KAT6B: variants seen among roughly 807,000 people sequenced by gnomAD.
The protein encoded by KAT6B is histone acetyltransferase KAT6B.
KAT6B carries 10 observed loss-of-function variants against 187.5 expected under a neutral mutation model. That is an observed-to-expected ratio of 0.05 (90% confidence interval 0.03 to 0.09). KAT6B has a LOEUF of 0.09. Among genes scored for constraint, KAT6B ranks in the 10% least tolerant of loss-of-function variants. The pLI, the probability that KAT6B is intolerant of heterozygous loss-of-function variation, is 1.00. For missense variants in KAT6B, 1,952 were observed against 2,558.9 expected (o/e 0.76, Z 5.12); for synonymous variants, 861 against 926.8 (o/e 0.93, Z 1.29).
At chr10:74,832,725 C>T (rs1203860707) in intron 1 of KAT6B, among the ~76,000 whole-genome samples, 5 of 151,914 alleles carry the variant, frequency 3.3e-5, no homozygotes, top group African/African-American at 9.7e-5. Flanking sequence ...GTCTCAAACT[C>T]CTGACCTCAG....
At chr10:74,990,998 C>T (rs16931904) in intron 13 of KAT6B, among the ~76,000 whole-genome samples, 18,380 of 152,108 alleles carry the variant, frequency 0.12, 2,153 homozygotes, top group African/African-American at 0.3. Context: ...ATGATCACCT[C>T]GTCCTTTCCT....
intron 3 of KAT6B, among the ~76,000 whole-genome samples, chr10:74,864,891 T>C (rs1843444234): frequency 6.6e-6 from 1 of 152,262 alleles, no homozygotes; most frequent in African/African-American, 2.4e-5. Flanking sequence ...TTTAAAGCAC[T>C]TGTAAGCTAA....
chr10:74,994,639 G>T (rs1412543087), intron 13 of KAT6B, among the ~76,000 whole-genome samples: 3 of 151,712 alleles, frequency 2.0e-5, no homozygotes, highest in Non-Finnish European at 4.4e-5. Context: ...ACACAAAAAT[G>T]AGCCGGGCTT....
intron 1 of KAT6B, among the ~76,000 whole-genome samples, chr10:74,836,744 A>G (rs557478738): frequency 5.3e-4 from 81 of 152,348 alleles, no homozygotes; most frequent in Non-Finnish European, 1.0e-3. Context: ...AAATAAGTCA[A>G]GGTCCCTTCC....
chr10:74,901,448 TTAA>T (rs368255970), intron 3 of KAT6B, among the ~76,000 whole-genome samples: 463 of 152,332 alleles, frequency 3.0e-3, no homozygotes, highest in Non-Finnish European at 5.2e-3. Context: ...GTGTAGTGTA[TTAA>T]TGAGCTGATT....
At chr10:74,993,893 G>A (rs1009247951) in intron 13 of KAT6B, among the ~76,000 whole-genome samples, 4 of 152,124 alleles carry the variant, frequency 2.6e-5, no homozygotes, top group Non-Finnish European at 5.9e-5. Flanking sequence ...ATTTCATCAG[G>A]ATCATATGAT....
intron 3 of KAT6B, among the ~76,000 whole-genome samples, chr10:74,909,499 C>T (rs1055550855): frequency 4.6e-5 from 7 of 152,186 alleles, no homozygotes; most frequent in Non-Finnish European, 1.0e-4. Context: ...AGGCAGAACT[C>T]CTCAGTTTGG....
At chr10:74,965,395 G>GT (rs1294055551) in intron 4 of KAT6B, among the ~76,000 whole-genome samples, 3 of 152,130 alleles carry the variant, frequency 2.0e-5, no homozygotes, top group African/African-American at 7.2e-5. Context: ...CTTGTTTAAT[G>GT]TTTGTCTTTC....
chr10:74,998,500 AT>A (rs1843610776), intron 13 of KAT6B, among the ~76,000 whole-genome samples: 2 of 152,190 alleles, frequency 1.3e-5, no homozygotes, highest in Non-Finnish European at 2.9e-5. Flanking sequence ...GTTTTGGTAT[AT>A]TTGTCCTTCA....
At chr10:74,973,889 C>A (rs954660461) in intron 7 of KAT6B, among the ~76,000 whole-genome samples, 3 of 152,166 alleles carry the variant, frequency 2.0e-5, no homozygotes, top group Non-Finnish European at 2.9e-5. Flanking sequence ...TTAAAAAAAC[C>A]AAATTAGGAT....
Position 74,969,718 on chromosome 10 carries a change from G to GT in KAT6B, c.790dup (p.Trp264LeufsTer13). 1 of 1,614,130 alleles carries GT rather than the reference G, an allele frequency of 6.2e-7. No individual in the cohort carries two copies. The highest frequency in any genetic ancestry group is 2.2e-5 in the East Asian group (1 of 44,888). The stretch of plus-strand genomic sequence containing the variant: ...TAACAACAAATGTAAAGGCCTTAAG[G>GT]TGGCAGTGCATCGAATGCAAGACAT... On this transcript the variant is annotated frameshift_variant, in exon 5 of 18. Coordinates refer to ENST00000287239, the MANE Select transcript of KAT6B (RefSeq NM_012330.4). LOFTEE classifies it high-confidence loss of function.
At chr10:74,827,984 G>C (rs1324900348) in intron 1 of KAT6B, among the ~76,000 whole-genome samples, 1 of 152,082 alleles carries the variant, frequency 6.6e-6, no homozygotes, top group African/African-American at 2.4e-5. Flanking sequence ...TGTTAAACTT[G>C]ATCTGGAGTC....
At chr10:75,017,994 A>G (rs1454704212) in intron 13 of KAT6B, among the ~76,000 whole-genome samples, 1 of 152,208 alleles carries the variant, frequency 6.6e-6, no homozygotes, top group East Asian at 1.9e-4. Context: ...TGAGGGTCTC[A>G]TGAGTCAGAG....
intron 13 of KAT6B, among the ~76,000 whole-genome samples, chr10:75,006,823 T>C (rs1473012440): frequency 7.2e-6 from 1 of 139,834 alleles, no homozygotes; most frequent in African/African-American, 2.7e-5. Flanking sequence ...TCCCAGCACT[T>C]TGGGAGGCCG....
chr10:74,903,642 A>T (rs1387764998), intron 3 of KAT6B, among the ~76,000 whole-genome samples: 2 of 152,166 alleles, frequency 1.3e-5, no homozygotes, highest in Non-Finnish European at 2.9e-5. Context: ...AGTCTGGCTG[A>T]CACCTTGATT....
At chr10:74,991,213 G>A (rs572830710) in intron 13 of KAT6B, among the ~76,000 whole-genome samples, 1 of 152,036 alleles carries the variant, frequency 6.6e-6, no homozygotes, top group East Asian at 1.9e-4. Flanking sequence ...GTATCCACTA[G>A]GACAGTTTCC....
intron 13 of KAT6B, among the ~76,000 whole-genome samples, chr10:75,018,571 CT>C (rs1845161638): frequency 6.6e-6 from 1 of 152,190 alleles, no homozygotes; most frequent in South Asian, 2.1e-4. Flanking sequence ...CTGCTGCTGC[CT>C]TCCGGATTAG....
intron 7 of KAT6B, among the ~76,000 whole-genome samples, chr10:74,973,904 A>G (rs1842000063): frequency 2.0e-5 from 3 of 152,202 alleles, no homozygotes; most frequent in African/African-American, 7.2e-5. Flanking sequence ...TAGGATATAA[A>G]CTTTCTAAAC....
intron 3 of KAT6B, among the ~76,000 whole-genome samples, chr10:74,862,417 A>T (rs1843244726): frequency 6.6e-6 from 1 of 152,140 alleles, no homozygotes; most frequent in Non-Finnish European, 1.5e-5. Context: ...TTTGCTGCAC[A>T]TTAGAATTAC....
Sources: gnomAD v4.1 joint callset for allele counts (sites outside exome capture counted in the v4.1 genomes callset) on GRCh38, gnomAD v4.1.1 for gene constraint, MANE v1.5 for transcripts, NCBI Gene and HGNC (gene_info 2026-07-23, HGNC 2026-07-21) for gene names.